Variants in RPS6KC1 observed in about 807,000 individuals in gnomAD.
The protein encoded by RPS6KC1 is ribosomal protein S6 kinase C1, also known as inactive ribosomal protein S6 kinase delta-1.
Under a neutral mutation model 103.8 loss-of-function variants are expected in RPS6KC1, and 54 were observed. The ratio of observed to expected loss-of-function variants is 0.52; its 90% CI spans 0.42 to 0.65. RPS6KC1 has a LOEUF of 0.65. RPS6KC1 is among the 30% of genes least tolerant of loss of function. The pLI, the probability that RPS6KC1 is intolerant of heterozygous loss-of-function variation, is 0.00. For synonymous variants in RPS6KC1, 439 were observed against 438.7 expected (o/e 1.00, Z -0.01); for missense variants, 1,151 against 1,253.8 (o/e 0.92, Z 1.24).
the RPS6KC1 span, among the ~76,000 whole-genome samples, chr1:213,672,834 C>A: frequency 1.2e-4 from 18 of 152,186 alleles, no homozygotes; most frequent in African/African-American, 4.3e-4. Flanking sequence ...CATCTCATCC[C>A]TGTACGTTTT....
At chr1:213,359,983 C>G in the RPS6KC1 span, among the ~76,000 whole-genome samples, 13 of 152,252 alleles carry the variant, frequency 8.5e-5, no homozygotes, top group Admixed American at 6.5e-4. Flanking sequence ...TCTGGCTGCC[C>G]TTAACATTTT....
chr1:213,254,358 A>G (rs1022905204), intron 12 of RPS6KC1, among the ~76,000 whole-genome samples: 5 of 152,154 alleles, frequency 3.3e-5, no homozygotes, highest in Non-Finnish European at 5.9e-5. Context: ...TAATGGTTAG[A>G]TTTAGTGACC....
chr1:213,377,639 C>A, the RPS6KC1 span, among the ~76,000 whole-genome samples: 2 of 152,194 alleles, frequency 1.3e-5, no homozygotes, highest in Admixed American at 6.5e-5. Flanking sequence ...AATGCCATGA[C>A]TCCAGGAGGT....
At chr1:213,350,191 C>G in the RPS6KC1 span, among the ~76,000 whole-genome samples, 2 of 152,180 alleles carry the variant, frequency 1.3e-5, no homozygotes, top group Non-Finnish European at 2.9e-5. Context: ...TCCTGGTTCT[C>G]TCTCTCTCAC....
chr1:213,285,344 C>CT, the RPS6KC1 span, among the ~76,000 whole-genome samples: 3 of 7,976 alleles, frequency 3.8e-4, no homozygotes, highest in Non-Finnish European at 7.2e-3. Context: ...TGCTGTCATA[C>CT]TGGGGGGTAG....
chr1:213,483,844 G>C, the RPS6KC1 span, among the ~76,000 whole-genome samples: 2 of 152,224 alleles, frequency 1.3e-5, no homozygotes, highest in Non-Finnish European at 2.9e-5. Flanking sequence ...TTCTCCTTTG[G>C]AGTGAACAGT....
chr1:213,542,801 A>G, the RPS6KC1 span, among the ~76,000 whole-genome samples: 31 of 152,208 alleles, frequency 2.0e-4, no homozygotes, highest in Non-Finnish European at 3.1e-4. Context: ...TTTGAATGCT[A>G]TTTACTAGGT....
At chr1:213,529,824 GTGAAT>G in the RPS6KC1 span, among the ~76,000 whole-genome samples, 1 of 152,118 alleles carries the variant, frequency 6.6e-6, no homozygotes, top group Admixed American at 6.5e-5. Flanking sequence ...TAAATGTTTT[GTGAAT>G]TGAATTGATT....
At chr1:213,605,421 A>G in the RPS6KC1 span, among the ~76,000 whole-genome samples, 1 of 152,242 alleles carries the variant, frequency 6.6e-6, no homozygotes, top group Non-Finnish European at 1.5e-5. Flanking sequence ...AACTGCTGAA[A>G]ATTCAGCTTT....
At chr1:213,807,532 A>G in the RPS6KC1 span, among the ~76,000 whole-genome samples, 1 of 151,886 alleles carries the variant, frequency 6.6e-6, no homozygotes, top group Non-Finnish European at 1.5e-5. Flanking sequence ...CATTCATTTC[A>G]TCTTCCATCA....
the RPS6KC1 span, among the ~76,000 whole-genome samples, chr1:213,651,904 T>C: frequency 1.3e-5 from 2 of 152,158 alleles, no homozygotes; most frequent in Admixed American, 6.5e-5. Context: ...CCTGCCTTCA[T>C]TTGGATTCAT....
At chr1:213,198,889 T>G (rs2093050572) in intron 8 of RPS6KC1, among the ~76,000 whole-genome samples, 1 of 152,104 alleles carries the variant, frequency 6.6e-6, no homozygotes, top group Non-Finnish European at 1.5e-5. Flanking sequence ...CAAATAAAAT[T>G]AAAACTTCAG....
intron 8 of RPS6KC1, among the ~76,000 whole-genome samples, chr1:213,198,312 A>C (rs756830403): frequency 6.6e-6 from 1 of 152,190 alleles, no homozygotes; most frequent in Non-Finnish European, 1.5e-5. Context: ...TTTCTGCTGA[A>C]CTATCTGCTT....
the RPS6KC1 span, among the ~76,000 whole-genome samples, chr1:213,390,560 G>T: frequency 2.8e-4 from 42 of 152,188 alleles, no homozygotes; most frequent in Non-Finnish European, 6.0e-4. Context: ...AAACTCTGGT[G>T]GGACATTTCT....
chr1:213,775,222 T>C, the RPS6KC1 span, among the ~76,000 whole-genome samples: 15 of 152,288 alleles, frequency 9.8e-5, no homozygotes, highest in East Asian at 2.9e-3. Flanking sequence ...CATGAAACTA[T>C]TTATACATAT....
the RPS6KC1 span, among the ~76,000 whole-genome samples, chr1:213,783,603 C>G: frequency 4.7e-4 from 72 of 151,660 alleles, no homozygotes; most frequent in Middle Eastern, 3.4e-3. Context: ...AAACATGAAA[C>G]GAAAAAGTGG....
the RPS6KC1 span, among the ~76,000 whole-genome samples, chr1:213,426,287 G>GAA: frequency 1.3e-5 from 2 of 152,168 alleles, no homozygotes; most frequent in African/African-American, 2.4e-5. Context: ...CAGTCTGAAT[G>GAA]AAGTTGTGAG....
At chr1:213,757,658 A>G in the RPS6KC1 span, among the ~76,000 whole-genome samples, 1 of 152,344 alleles carries the variant, frequency 6.6e-6, no homozygotes, top group East Asian at 1.9e-4. Flanking sequence ...AGCTAGGATA[A>G]ATGATGAAGG....
the RPS6KC1 span, among the ~76,000 whole-genome samples, chr1:213,616,581 G>T: frequency 1.3e-5 from 2 of 152,196 alleles, no homozygotes; most frequent in African/African-American, 4.8e-5. Flanking sequence ...GGAGGCTAAG[G>T]TAGGAGGATC....
Sources: allele counts gnomAD v4.1 joint callset (sites outside exome capture counted in the v4.1 genomes callset), GRCh38; gene constraint gnomAD v4.1.1; transcripts MANE v1.5; gene names NCBI Gene and HGNC (gene_info 2026-07-23, HGNC 2026-07-21).